Variants in VAT1L observed in about 807,000 individuals in gnomAD.
The protein encoded by VAT1L is vesicle amine transport 1 like.
Under a neutral mutation model 44.1 loss-of-function variants are expected in VAT1L, and 34 were observed. The observed-to-expected ratio is 0.77, with a 90% CI of 0.59 to 1.03. The LOEUF is 1.03. Among genes scored for constraint, VAT1L ranks in the 50% least tolerant of loss-of-function variants. VAT1L has a pLI of 0.00. For missense variants in VAT1L, 615 were observed against 538.8 expected (o/e 1.14, Z -1.40); for synonymous variants, 253 against 202.2 (o/e 1.25, Z -2.13).
At chr16:77,865,649 T>A (rs961356853) in intron 4 of VAT1L, among the ~76,000 whole-genome samples, 1 of 152,198 alleles carries the variant, frequency 6.6e-6, no homozygotes, top group Non-Finnish European at 1.5e-5. Flanking sequence ...ACACTGTCAA[T>A]CGCAGAGTGG....
intron 4 of VAT1L, among the ~76,000 whole-genome samples, chr16:77,863,943 G>A (rs1224794420): frequency 1.3e-5 from 2 of 152,186 alleles, no homozygotes; most frequent in African/African-American, 2.4e-5. Flanking sequence ...ATCACTGGTG[G>A]TGCAGAGGGG....
At chr16:77,960,459 C>T (rs549284454) in intron 7 of VAT1L, among the ~76,000 whole-genome samples, 53 of 152,104 alleles carry the variant, frequency 3.5e-4, no homozygotes, top group African/African-American at 1.1e-3. Context: ...TGAAGGGGCA[C>T]GAGGAAGCAA....
At chr16:77,921,377 T>G (rs1317557474) in intron 7 of VAT1L, among the ~76,000 whole-genome samples, 1 of 152,196 alleles carries the variant, frequency 6.6e-6, no homozygotes, top group East Asian at 1.9e-4. Context: ...ATACGGGTGC[T>G]TGATAACTTT....
chr16:77,893,234 T>G (rs914147729), intron 7 of VAT1L, among the ~76,000 whole-genome samples: 1 of 152,160 alleles, frequency 6.6e-6, no homozygotes, highest in African/African-American at 2.4e-5. Context: ...GTGGCAATTT[T>G]GGGGGCATGA....
At chr16:77,936,865 TG>T (rs1427498420) in intron 7 of VAT1L, among the ~76,000 whole-genome samples, 1 of 106,574 alleles carries the variant, frequency 9.4e-6, no homozygotes, top group Non-Finnish European at 2.0e-5. Context: ...AGGGTTTGTT[TG>T]GTTTCTTGTT....
At chr16:77,942,366 A>G (rs2017897064) in intron 7 of VAT1L, among the ~76,000 whole-genome samples, 1 of 152,126 alleles carries the variant, frequency 6.6e-6, no homozygotes, top group South Asian at 2.1e-4. Context: ...ACGATATGGA[A>G]ATTGTGGGAA....
At chr16:77,874,269 G>A (rs1181337827) in intron 4 of VAT1L, among the ~76,000 whole-genome samples, 1 of 152,056 alleles carries the variant, frequency 6.6e-6, no homozygotes. Context: ...GCTCAGGAGG[G>A]TGGGCTGGTA....
intron 3 of VAT1L, among the ~76,000 whole-genome samples, chr16:77,838,800 T>C (rs565340387): frequency 2.8e-4 from 43 of 151,932 alleles, no homozygotes; most frequent in Non-Finnish European, 4.7e-4. Flanking sequence ...CTCTCTCTCA[T>C]TTCTTTCCTT....
chr16:77,952,372 G>A (rs1336852856), intron 7 of VAT1L, among the ~76,000 whole-genome samples: 4 of 152,066 alleles, frequency 2.6e-5, no homozygotes, highest in African/African-American at 9.7e-5. Flanking sequence ...GATCAGGGGA[G>A]CAGGTCCCTC....
intron 3 of VAT1L, among the ~76,000 whole-genome samples, chr16:77,837,048 G>A (rs2016647350): frequency 7.1e-6 from 1 of 140,434 alleles, no homozygotes; most frequent in African/African-American, 2.7e-5. Flanking sequence ...AGGAAGAGCT[G>A]GCATGTGCAC....
chr16:77,860,312 G>C (rs117856812), intron 3 of VAT1L, among the ~76,000 whole-genome samples: 12 of 152,290 alleles, frequency 7.9e-5, no homozygotes, highest in Non-Finnish European at 1.8e-4. Context: ...TTAGGTTTTG[G>C]ATCAGTTGAG....
chr16:77,940,058 A>T (rs954328574), intron 7 of VAT1L, among the ~76,000 whole-genome samples: 1 of 152,196 alleles, frequency 6.6e-6, no homozygotes, highest in African/African-American at 2.4e-5. Context: ...GGAGAAAGAA[A>T]ATGGACATTC....
chr16:77,888,945 C>T (rs1343222746), intron 7 of VAT1L, among the ~76,000 whole-genome samples: 1 of 152,202 alleles, frequency 6.6e-6, no homozygotes, highest in East Asian at 1.9e-4. Context: ...TCAAGAACAC[C>T]CACCGACTTT....
At chr16:77,885,674 G>A (rs2017202281) in intron 7 of VAT1L, among the ~76,000 whole-genome samples, 1 of 151,954 alleles carries the variant, frequency 6.6e-6, no homozygotes, top group Admixed American at 6.6e-5. Context: ...CATGAGGGAA[G>A]TGCCTTATGG....
intron 7 of VAT1L, among the ~76,000 whole-genome samples, chr16:77,916,157 G>A (rs2017549898): frequency 6.6e-6 from 1 of 152,138 alleles, no homozygotes; most frequent in South Asian, 2.1e-4. Flanking sequence ...TGTACGAAAG[G>A]GGGCCAAGGG....
chr16:77,926,395 C>T (rs566858498), intron 7 of VAT1L, among the ~76,000 whole-genome samples: 3 of 151,986 alleles, frequency 2.0e-5, no homozygotes, highest in Admixed American at 2.0e-4. Context: ...ACCAGCCTGG[C>T]CAACATGGTG....
intron 5 of VAT1L, among the ~76,000 whole-genome samples, chr16:77,877,467 C>T (rs553725423): frequency 1.2e-4 from 17 of 140,894 alleles, no homozygotes; most frequent in East Asian, 1.1e-3. Context: ...GAGCCGAGAC[C>T]GCGCCAGTGC....
rs1243492305 is a variant in VAT1L, at chr16:77,979,177, T to C, written c.*1482T>C. Reference sequence around the variant, plus strand: ...GTAGCAAATGTCACCTCATTCGTGGTCTTTTTACCTATCCTAAGCTTATGA... The same window carrying C: ...GTAGCAAATGTCACCTCATTCGTGGCCTTTTTACCTATCCTAAGCTTATGA... On this transcript the variant is annotated 3_prime_UTR_variant, in exon 9 of 9. Transcript: ENST00000302536. The C allele has an allele frequency of 6.6e-6, 1 of 152,644 alleles. No individual in the cohort carries two copies. The highest frequency in any genetic ancestry group is 1.5e-5 in the Non-Finnish European group (1 of 68,044). 9.5% of individuals were successfully genotyped at this position (152,644 alleles called of 1,614,324 possible).
At chr16:77,864,082 G>A (rs1567491484) in intron 4 of VAT1L, among the ~76,000 whole-genome samples, 1 of 152,128 alleles carries the variant, frequency 6.6e-6, no homozygotes, top group Admixed American at 6.5e-5. Context: ...TCAGCACAGG[G>A]AAGCAGATGG....
Sources: allele counts gnomAD v4.1 joint callset (sites outside exome capture counted in the v4.1 genomes callset), GRCh38; gene constraint gnomAD v4.1.1; transcripts MANE v1.5; gene names NCBI Gene and HGNC (gene_info 2026-07-23, HGNC 2026-07-21).